The following MPDZ variants were observed in gnomAD, a reference collection of about 807,000 sequenced individuals.
MPDZ encodes multiple PDZ domain protein.
In MPDZ, 234 loss-of-function variants were observed where a neutral mutation model predicts 239.1. The observed-to-expected ratio is 0.98, with a 90% confidence interval of 0.88 to 1.09. The LOEUF (loss-of-function observed/expected upper bound fraction) is 1.09, where lower values mean the gene tolerates loss of function less well. Ranked by LOEUF, MPDZ falls within the 50% of genes least tolerant of loss-of-function variation. The pLI, the probability that MPDZ is intolerant of heterozygous loss-of-function variation, is 0.00. For missense variants in MPDZ, 3,175 were observed against 2,510.0 expected (o/e 1.26, Z -5.66); for synonymous variants, 1,048 against 881.3 (o/e 1.19, Z -3.35).
chr9:13,109,640 TCCA>T (rs558609809), intron 45 of MPDZ, among the ~76,000 whole-genome samples: 1 of 152,124 alleles, frequency 6.6e-6, no homozygotes, highest in Non-Finnish European at 1.5e-5. Flanking sequence ...TTTGACTTGC[TCCA>T]TATTACATGA....
chr9:13,186,776 T>C (rs10120857), intron 17 of MPDZ, among the ~76,000 whole-genome samples: 18,852 of 152,024 alleles, frequency 0.12, 1,587 homozygotes, highest in East Asian at 0.48. Flanking sequence ...ATGAAGCAAC[T>C]TTTAGGTATT....
At chr9:13,230,045 C>T (rs989168950) in intron 3 of MPDZ, among the ~76,000 whole-genome samples, 2 of 151,822 alleles carry the variant, frequency 1.3e-5, no homozygotes, top group African/African-American at 4.8e-5. Context: ...ACAGACATTT[C>T]ATGAAAGAGG....
chr9:13,132,771 G>A (rs1587066422), intron 32 of MPDZ, among the ~76,000 whole-genome samples: 1 of 152,254 alleles, frequency 6.6e-6, no homozygotes, highest in East Asian at 1.9e-4. Context: ...GTGAAACTAT[G>A]TACACGTTAA....
At position 13,109,992 on chromosome 9, in the gene MPDZ, TGAAA is replaced by T. The variant is rs1366943054; in HGVS notation, c.5898_5901del (p.Phe1967LeufsTer3). The T allele has an allele frequency of 2.5e-6, 4 of 1,613,322 alleles. No individual in the cohort carries two copies. The South Asian group carries it at 3.3e-5, about 13-fold the overall frequency. On this transcript the variant is annotated frameshift_variant, in exon 45 of 47. Transcript: ENST00000319217. LOFTEE classifies it high-confidence loss of function. The stretch of plus-strand genomic sequence containing the variant: ...AATATACTGCTTGACGTCAGCCCAG[TGAAA>T]GAAAGACTGGAACTTGCAGGCTCCT...
chr9:13,139,689 A>C (rs1033407102), intron 28 of MPDZ, among the ~76,000 whole-genome samples: 1 of 152,162 alleles, frequency 6.6e-6, no homozygotes, highest in Non-Finnish European at 1.5e-5. Context: ...GACTTGTTTG[A>C]GACACAGAGT....
intron 22 of MPDZ, 98 bp from the exon 23 acceptor site, chr9:13,162,893 C>A: frequency 1.3e-6 from 1 of 745,994 alleles, no homozygotes; most frequent in East Asian, 2.7e-5. Flanking sequence ...CATATTGTCC[C>A]TTTCTCCCTA....
At chr9:13,245,923 A>C (rs540001003) in intron 3 of MPDZ, among the ~76,000 whole-genome samples, 19 of 152,294 alleles carry the variant, frequency 1.2e-4, no homozygotes, top group Admixed American at 9.8e-4. Context: ...GGAAATTTCA[A>C]GTTATCTCAC....
intron 24 of MPDZ, among the ~76,000 whole-genome samples, chr9:13,153,998 T>G (rs1269784584): frequency 6.6e-6 from 1 of 152,138 alleles, no homozygotes; most frequent in African/African-American, 2.4e-5. Context: ...ATACTTTCAT[T>G]TAATTTTCAC....
intron 22 of MPDZ, among the ~76,000 whole-genome samples, chr9:13,168,032 C>T (rs1376950797): frequency 6.6e-6 from 1 of 152,030 alleles, no homozygotes; most frequent in African/African-American, 2.4e-5. Flanking sequence ...ATATCAAAGC[C>T]AATCCAAACA....
At chr9:13,166,307 G>A (rs1951069820) in intron 22 of MPDZ, among the ~76,000 whole-genome samples, 1 of 152,138 alleles carries the variant, frequency 6.6e-6, no homozygotes, top group African/African-American at 2.4e-5. Context: ...CAAGTGGTAA[G>A]GGCCAAAAAC....
chr9:13,175,237 T>C (rs1023465556), intron 21 of MPDZ, among the ~76,000 whole-genome samples: 13 of 152,128 alleles, frequency 8.5e-5, no homozygotes, highest in African/African-American at 3.1e-4. Flanking sequence ...GTGGTTAAAA[T>C]AGGACAAAAA....
At chr9:13,199,171 C>T (rs752925249) in intron 12 of MPDZ, among the ~76,000 whole-genome samples, 18 of 151,860 alleles carry the variant, frequency 1.2e-4, no homozygotes, top group Non-Finnish European at 2.4e-4. Context: ...ATTTTTGTGT[C>T]CTTTTCAATT....
At chr9:13,150,894 G>T (rs1949076479) in intron 24 of MPDZ, among the ~76,000 whole-genome samples, 1 of 151,802 alleles carries the variant, frequency 6.6e-6, no homozygotes, top group African/African-American at 2.4e-5. Context: ...CCAACGGAAA[G>T]GAAAAAAGTA....
chr9:13,224,689 A>C, intron 3 of MPDZ, 106 bp from the exon 4 acceptor site: 1 of 746,818 alleles, frequency 1.3e-6, no homozygotes, highest in Non-Finnish European at 2.1e-6. Context: ...CAAAATGTCC[A>C]AATCCTTTAA....
chr9:13,111,157 G>A (rs1942397302), intron 43 of MPDZ, among the ~76,000 whole-genome samples: 1 of 152,208 alleles, frequency 6.6e-6, no homozygotes, highest in African/African-American at 2.4e-5. Context: ...TTGGCCCACT[G>A]CCTGTTTTGG....
chr9:13,201,192 T>G lies in MPDZ; in HGVS notation c.1546+3844A>C, dbSNP rs894194927. The stretch of plus-strand genomic sequence containing the variant: ...ACCTTGTCTTTTTATTTTTTTACTG[T>G]TCTTCACTTAGCCTATTTTATCTGA... On this transcript the variant is annotated intron_variant, in intron 12 of 46. Transcript: ENST00000319217. Among the ~76,000 whole-genome samples the G allele has an allele frequency of 2.6e-5, 4 of 152,208 alleles. No individual in the cohort carries two copies. The East Asian group carries it at 5.8e-4, about 22-fold the overall frequency.
intron 10 of MPDZ, among the ~76,000 whole-genome samples, chr9:13,212,812 A>AGG (rs957213369): frequency 7.9e-5 from 12 of 151,054 alleles, no homozygotes; most frequent in African/African-American, 2.9e-4. Context: ...AAAAAAAAAA[A>AGG]AAGAAGAGAG....
chr9:13,110,220 T>C (rs1448346368), intron 44 of MPDZ, among the ~76,000 whole-genome samples, 156 bp from the exon 45 acceptor site: 1 of 152,224 alleles, frequency 6.6e-6, no homozygotes, highest in Non-Finnish European at 1.5e-5. Context: ...GAATGAAATT[T>C]CACAAGGTCC....
intron 3 of MPDZ, among the ~76,000 whole-genome samples, chr9:13,231,950 T>C (rs1962612302): frequency 6.6e-6 from 1 of 152,094 alleles, no homozygotes; most frequent in African/African-American, 2.4e-5. Flanking sequence ...AATCGTTTAG[T>C]CTAATTCACA....
Sources: gnomAD v4.1 joint callset for allele counts (sites outside exome capture counted in the v4.1 genomes callset) on GRCh38, gnomAD v4.1.1 for gene constraint, MANE v1.5 for transcripts, NCBI Gene and HGNC (gene_info 2026-07-23, HGNC 2026-07-21) for gene names.